Variants in MSR1 observed in about 807,000 individuals in gnomAD.
The protein encoded by MSR1 is macrophage scavenger receptor 1, also known as macrophage scavenger receptor types I and II.
Under a neutral mutation model 47.2 loss-of-function variants are expected in MSR1, and 53 were observed. That is an observed-to-expected ratio of 1.12 (90% CI 0.90 to 1.41). The LOEUF is 1.41. Ranked by LOEUF, MSR1 falls within the 40% of genes most tolerant of loss-of-function variation. The pLI, the probability that MSR1 is intolerant of heterozygous loss-of-function variation, is 0.00. For synonymous variants in MSR1, 239 were observed against 185.6 expected, an observed-to-expected ratio of 1.29 and a Z score of -2.34; for missense variants, 786 against 546.9, an observed-to-expected ratio of 1.44 and a Z score of -4.36.
At chr8:16,189,084 A>C (rs973612734) in intron 1 of MSR1, among the ~76,000 whole-genome samples, 4 of 146,056 alleles carry the variant, frequency 2.7e-5, no homozygotes, top group African/African-American at 9.9e-5. Flanking sequence ...TATTTCATAT[A>C]TACGCAAAAC....
intron 5 of MSR1, among the ~76,000 whole-genome samples, 165 bp downstream of exon 5, chr8:16,163,900 C>G (rs1801229301): frequency 1.3e-5 from 2 of 151,818 alleles, no homozygotes; most frequent in African/African-American, 4.8e-5. Context: ...TTATCGTACC[C>G]TGTCTTTATC....
intron 5 of MSR1, among the ~76,000 whole-genome samples, chr8:16,163,314 A>G (rs1041169828): frequency 3.9e-5 from 6 of 151,932 alleles, no homozygotes; most frequent in African/African-American, 1.2e-4. Context: ...TATTTTTTTA[A>G]AAGAAAAGGT....
chr8:16,156,843 C>T (rs573872460), intron 5 of MSR1, among the ~76,000 whole-genome samples: 2 of 151,974 alleles, frequency 1.3e-5, no homozygotes, highest in Non-Finnish European at 2.9e-5. Context: ...TGTAAGATTT[C>T]TGTATCAAAG....
chr8:16,171,042 G>A (rs1801470583), intron 3 of MSR1, among the ~76,000 whole-genome samples: 2 of 151,900 alleles, frequency 1.3e-5, no homozygotes, highest in African/African-American at 4.8e-5. Context: ...TGGCAAACAT[G>A]GTGAAACCCC....
intron 1 of MSR1, chr8:16,186,150 C>T (rs1249896510): frequency 1.3e-6 from 2 of 1,532,808 alleles, no homozygotes; most frequent in Admixed American, 2.0e-5. Flanking sequence ...GAAAGTTGTT[C>T]ATGCTCACGG....
intron 2 of MSR1, among the ~76,000 whole-genome samples, chr8:16,176,020 G>A (rs1293112429): frequency 4.6e-5 from 7 of 152,110 alleles, no homozygotes; most frequent in Non-Finnish European, 7.4e-5. Flanking sequence ...AGGGGAAACA[G>A]TAGATGAGGA....
intron 7 of MSR1, among the ~76,000 whole-genome samples, chr8:16,144,271 C>T (rs1235076277): frequency 6.6e-6 from 1 of 152,018 alleles, no homozygotes; most frequent in African/African-American, 2.4e-5. Flanking sequence ...ACCCACTGTC[C>T]CATTTTTAAA....
At chr8:16,188,587 G>A (rs1276134426) in intron 1 of MSR1, among the ~76,000 whole-genome samples, 8 of 151,878 alleles carry the variant, frequency 5.3e-5, no homozygotes, top group African/African-American at 9.7e-5. Flanking sequence ...GTGGTTTGCT[G>A]CACCCATCAG....
intron 1 of MSR1, among the ~76,000 whole-genome samples, chr8:16,188,635 G>A (rs1469099761): frequency 3.3e-5 from 5 of 152,026 alleles, no homozygotes; most frequent in African/African-American, 4.8e-5. Context: ...TGCATTAGGA[G>A]TTTGTCCTAA....
intron 2 of MSR1, among the ~76,000 whole-genome samples, chr8:16,177,682 T>A (rs1801689894): frequency 6.6e-6 from 1 of 152,150 alleles, no homozygotes; most frequent in Admixed American, 6.5e-5. Flanking sequence ...TCAATCAATG[T>A]TGTAGATTAA....
intron 9 of MSR1, among the ~76,000 whole-genome samples, chr8:16,117,207 G>A (rs1799896266): frequency 6.6e-6 from 1 of 152,080 alleles, no homozygotes; most frequent in Non-Finnish European, 1.5e-5. Flanking sequence ...GCCACCTCCT[G>A]TCAGATCAGT....
rs146233880 is a variant in MSR1, at chr8:16,158,170, G to C, written c.818-3026C>G. The stretch of plus-strand genomic sequence containing the variant: ...ATTTATTCTAGTTCAAGAAGCCATA[G>C]AATTTACATTATTTTTCATCTTTAA... On this transcript the variant is annotated intron_variant, in intron 5 of 9. Transcript: ENST00000262101. Among the ~76,000 whole-genome samples, 1,064 of 151,972 alleles carry C rather than the reference G, an allele frequency of 7.0e-3. 9 individuals are homozygous for C. The highest frequency in any genetic ancestry group is 0.011 in the Non-Finnish European group (749 of 67,910).
At chr8:16,190,936 G>A (rs888257854) in intron 1 of MSR1, among the ~76,000 whole-genome samples, 5 of 152,038 alleles carry the variant, frequency 3.3e-5, no homozygotes, top group Admixed American at 3.3e-4. Context: ...GGTCAGGCTG[G>A]TCTTGAACTC....
chr8:16,186,543 T>A (rs1802005560), intron 1 of MSR1, among the ~76,000 whole-genome samples: 1 of 152,268 alleles, frequency 6.6e-6, no homozygotes, highest in South Asian at 2.1e-4. Context: ...CCCTGTTGCT[T>A]TGTTTTCAAA....
chr8:16,122,255 G>A (rs1180899692), intron 8 of MSR1, among the ~76,000 whole-genome samples: 2 of 151,928 alleles, frequency 1.3e-5, no homozygotes, highest in African/African-American at 4.8e-5. Flanking sequence ...ATTCCTGAGT[G>A]GCCCAATCAT....
At chr8:16,122,206 T>C (rs1800021174) in intron 8 of MSR1, among the ~76,000 whole-genome samples, 1 of 152,064 alleles carries the variant, frequency 6.6e-6, no homozygotes, top group Admixed American at 6.6e-5. Context: ...ATGAAAATAA[T>C]TTGTTATTAT....
In MSR1 at chr8:16,175,263, C is replaced by T; in HGVS notation, c.141G>A (p.Lys47=). The T allele has an allele frequency of 2.5e-6, 4 of 1,614,054 alleles. No homozygotes were observed. Among genetic ancestry groups the T allele is most frequent in the Non-Finnish European group, 2.5e-6 (3 of 1,179,984 alleles). ...KNSPSLQEKL[K]SFKAALIALY... ...GGGCAATCAGTGCAGCTTTGAAGGA[C>T]TTCAGTTTCTCTTGAAGGGAAGGGC... The change falls in exon 3 of 10, where the codon AAG becomes AAA. Residue 47 remains lysine (K), a synonymous_variant. Coordinates refer to ENST00000262101, the MANE Select transcript of MSR1 (RefSeq NM_138715.3).
chr8:16,175,241 C>A lies in MSR1; in HGVS notation c.163G>T (p.Ala55Ser). Residue 55 changes from alanine (A) to serine (S), a missense_variant, in exon 3 of 10, where the codon GCC becomes TCC. By Grantham distance (99) the Ala-to-Ser change is moderately conservative. Coordinates refer to ENST00000262101, the MANE Select transcript of MSR1 (RefSeq NM_138715.3). The stretch of plus-strand genomic sequence containing the variant: ...ACTGCAAACACGAGGAGGTAAAGGG[C>A]AATCAGTGCAGCTTTGAAGGACTTC... ...KLKSFKAALI[A>S]LYLLVFAVLI... 1 of 1,614,056 alleles carries A rather than the reference C, an allele frequency of 6.2e-7. No individual in the cohort carries two copies. Among genetic ancestry groups the A allele is most frequent in the Non-Finnish European group, 8.5e-7 (1 of 1,179,990 alleles).
chr8:16,169,482 G>C (rs1277429321), intron 3 of MSR1, among the ~76,000 whole-genome samples: 6 of 151,942 alleles, frequency 3.9e-5, no homozygotes, highest in Admixed American at 3.9e-4. Context: ...ACTTTATAAA[G>C]GTACGATTCT....
Sources: allele counts gnomAD v4.1 joint callset (sites outside exome capture counted in the v4.1 genomes callset), GRCh38; gene constraint gnomAD v4.1.1; transcripts MANE v1.5; gene names NCBI Gene and HGNC (gene_info 2026-07-23, HGNC 2026-07-21).